VWA3B: variants seen among roughly 807,000 people sequenced by gnomAD.
The protein encoded by VWA3B is von Willebrand factor A domain-containing protein 3B.
Under a neutral mutation model 158.3 loss-of-function variants are expected in VWA3B, and 138 were observed. That is an observed-to-expected ratio of 0.87 (90% CI 0.76 to 1.00). VWA3B has a LOEUF of 1.00. Among genes scored for constraint, VWA3B ranks in the 50% least tolerant of loss-of-function variants. The pLI, the probability that VWA3B is intolerant of heterozygous loss-of-function variation, is 0.00. For missense variants in VWA3B, 1,555 were observed against 1,565.1 expected (o/e 0.99, Z 0.11); for synonymous variants, 596 against 587.3 (o/e 1.01, Z -0.21).
intron 19 of VWA3B, among the ~76,000 whole-genome samples, chr2:98,244,505 C>A (rs1485143967): frequency 6.6e-6 from 1 of 151,998 alleles, no homozygotes. Flanking sequence ...ACATTTCATC[C>A]CATGTCTCAA....
At chr2:98,163,067 G>A (rs2105246380) in intron 8 of VWA3B, 91 bp downstream of exon 8, 2 of 1,560,668 alleles carry the variant, frequency 1.3e-6, no homozygotes, top group South Asian at 2.4e-5. Context: ...GACCAGAGAA[G>A]CTCCAGAGCC....
chr2:98,122,884 A>G (rs1343853488), intron 5 of VWA3B, among the ~76,000 whole-genome samples: 1 of 152,234 alleles, frequency 6.6e-6, no homozygotes, highest in Non-Finnish European at 1.5e-5. Flanking sequence ...AGAAGCTTCC[A>G]GGCACTGATC....
chr2:98,245,311 C>T (rs1464640959), intron 19 of VWA3B: 5 of 279,358 alleles, frequency 1.8e-5, no homozygotes, highest in East Asian at 9.5e-5. Context: ...TTACAGAAGC[C>T]GGGGGTGCCA....
intron 22 of VWA3B, among the ~76,000 whole-genome samples, chr2:98,283,674 G>A (rs1558760436): frequency 6.6e-6 from 1 of 152,226 alleles, no homozygotes; most frequent in Non-Finnish European, 1.5e-5. Flanking sequence ...GCCAGCAAGG[G>A]TAGCAGGCTT....
chr2:98,207,666 C>T, intron 12 of VWA3B: 1 of 440,636 alleles, frequency 2.3e-6, no homozygotes, highest in Non-Finnish European at 4.4e-6. Context: ...AACGGGCCTT[C>T]AGTGATGGAA....
intron 8 of VWA3B, among the ~76,000 whole-genome samples, chr2:98,172,491 T>G (rs757996737): frequency 5.9e-5 from 9 of 152,148 alleles, no homozygotes; most frequent in Admixed American, 3.3e-4. Context: ...ACAGGCCAGG[T>G]TGGTCTTGGG....
intron 5 of VWA3B, among the ~76,000 whole-genome samples, chr2:98,121,746 C>T (rs1674987557): frequency 6.6e-6 from 1 of 152,076 alleles, no homozygotes; most frequent in Non-Finnish European, 1.5e-5. Flanking sequence ...GACTCACACC[C>T]ACCGAGCACC....
intron 13 of VWA3B, among the ~76,000 whole-genome samples, chr2:98,212,951 T>C (rs561295306): frequency 1.8e-4 from 27 of 152,250 alleles, no homozygotes; most frequent in African/African-American, 6.0e-4. Flanking sequence ...GTTTGTGCTT[T>C]GGGGAATGTG....
At chr2:98,161,455 C>T (rs1324674364) in intron 7 of VWA3B, among the ~76,000 whole-genome samples, 1 of 152,170 alleles carries the variant, frequency 6.6e-6, no homozygotes, top group East Asian at 1.9e-4. Context: ...TCCCAGTGGC[C>T]CTGCTGCTCA....
At chr2:98,103,822 C>CT (rs910456665) in intron 2 of VWA3B, among the ~76,000 whole-genome samples, 2 of 151,974 alleles carry the variant, frequency 1.3e-5, no homozygotes, top group East Asian at 1.9e-4. Context: ...ATATTTAGTG[C>CT]TTTTTTTGTC....
intron 25 of VWA3B, 30 bp downstream of exon 25, chr2:98,300,246 T>C (rs1316309606): frequency 6.2e-7 from 1 of 1,613,392 alleles, no homozygotes; most frequent in Admixed American, 1.7e-5. Flanking sequence ...GAAAAGGACT[T>C]TCTCCTGGGC....
intron 7 of VWA3B, among the ~76,000 whole-genome samples, chr2:98,148,938 G>A (rs1030079053): frequency 6.6e-5 from 10 of 152,148 alleles, no homozygotes; most frequent in Admixed American, 2.6e-4. Context: ...CCAAATAAAC[G>A]TTCATCTTGA....
At chr2:98,245,406 C>T (rs994634581) in intron 19 of VWA3B, 2 of 376,136 alleles carry the variant, frequency 5.3e-6, no homozygotes, top group African/African-American at 4.2e-5. Flanking sequence ...AAAACATTTC[C>T]TGTGATCTCC....
chr2:98,272,992 C>T (rs1372063709), intron 22 of VWA3B, among the ~76,000 whole-genome samples: 1 of 152,280 alleles, frequency 6.6e-6, no homozygotes, highest in African/African-American at 2.4e-5. Context: ...CTTGGACCTC[C>T]CAGCTTCTAG....
chr2:98,285,399 C>T (rs543220685), intron 22 of VWA3B, among the ~76,000 whole-genome samples: 2 of 152,124 alleles, frequency 1.3e-5, no homozygotes, highest in African/African-American at 4.8e-5. Flanking sequence ...TATGAATCCT[C>T]ATATACAGGT....
intron 11 of VWA3B, 34 bp from the exon 12 acceptor site, chr2:98,194,327 G>T: frequency 6.2e-7 from 1 of 1,601,748 alleles, no homozygotes; most frequent in Non-Finnish European, 8.5e-7. Flanking sequence ...ACATCTGAGT[G>T]GTTTTATGGT....
intron 21 of VWA3B, among the ~76,000 whole-genome samples, chr2:98,257,450 T>C (rs2105830008): frequency 6.6e-6 from 1 of 152,210 alleles, no homozygotes; most frequent in African/African-American, 2.4e-5. Context: ...ATGATACATA[T>C]TGATTTACTA....
At chr2:98,246,227 T>A (rs1686385496) in intron 19 of VWA3B, among the ~76,000 whole-genome samples, 1 of 152,160 alleles carries the variant, frequency 6.6e-6, no homozygotes, top group Non-Finnish European at 1.5e-5. Flanking sequence ...GTTTTAAACC[T>A]AATTTTTAAA....
intron 25 of VWA3B, 139 bp from the exon 26 acceptor site, chr2:98,303,563 T>G: frequency 1.4e-6 from 1 of 739,810 alleles, no homozygotes; most frequent in Non-Finnish European, 2.2e-6. Context: ...GGGTCTGAAT[T>G]TGAACTACTC....
Sources: allele counts gnomAD v4.1 joint callset (sites outside exome capture counted in the v4.1 genomes callset), GRCh38; gene constraint gnomAD v4.1.1; transcripts MANE v1.5; gene names NCBI Gene and HGNC (gene_info 2026-07-23, HGNC 2026-07-21).